RBFOX1: variants seen among roughly 807,000 people sequenced by gnomAD.
The protein encoded by RBFOX1 is RNA binding protein fox-1 homolog 1.
RBFOX1 carries 8 observed loss-of-function variants against 57.7 expected under a neutral mutation model. The observed-to-expected ratio is 0.14, with a 90% CI of 0.08 to 0.25. RBFOX1 has a LOEUF of 0.25. Among genes scored for constraint, RBFOX1 ranks in the 10% least tolerant of loss-of-function variants. The pLI is 1.00. For missense variants in RBFOX1, 611 were observed against 548.5 expected (o/e 1.11, Z -1.14); for synonymous variants, 326 against 222.4 (o/e 1.47, Z -4.15).
At chr16:7,015,473 A>G (rs1299664106) in intron 3 of RBFOX1, among the ~76,000 whole-genome samples, 3 of 152,164 alleles carry the variant, frequency 2.0e-5, no homozygotes, top group Non-Finnish European at 2.9e-5. Flanking sequence ...TTTGCTCATC[A>G]GTGTTCAGAC....
chr16:5,509,163 C>A (rs2043489046), intron 2 of RBFOX1, among the ~76,000 whole-genome samples: 1 of 152,212 alleles, frequency 6.6e-6, no homozygotes, highest in Admixed American at 6.5e-5. Flanking sequence ...TGCGATCCCC[C>A]ACTGGGATTT....
chr16:5,391,579 C>G (rs892607256), intron 1 of RBFOX1, among the ~76,000 whole-genome samples: 2 of 152,106 alleles, frequency 1.3e-5, no homozygotes, highest in African/African-American at 2.4e-5. Context: ...TTCTGGAAGC[C>G]AAGGCTCTGA....
chr16:6,542,660 T>G (rs2096839429), intron 2 of RBFOX1, among the ~76,000 whole-genome samples: 1 of 151,552 alleles, frequency 6.6e-6, no homozygotes, highest in Non-Finnish European at 1.5e-5. Context: ...TGGCGGCTAA[T>G]TTTTTGTATT....
chr16:6,563,643 C>T (rs193051127), intron 2 of RBFOX1, among the ~76,000 whole-genome samples: 54 of 152,064 alleles, frequency 3.6e-4, no homozygotes, highest in African/African-American at 1.2e-3. Flanking sequence ...CAGGGGTTCA[C>T]GACCGTTATC....
At chr16:6,316,648 A>G (rs1221015199) in intron 1 of RBFOX1, among the ~76,000 whole-genome samples, 1 of 152,194 alleles carries the variant, frequency 6.6e-6, no homozygotes, top group Non-Finnish European at 1.5e-5. Context: ...AGAAGAATAC[A>G]GAAGAGTACT....
intron 4 of RBFOX1, among the ~76,000 whole-genome samples, chr16:5,996,292 C>T (rs1229073945): frequency 6.6e-6 from 1 of 152,126 alleles, no homozygotes; most frequent in African/African-American, 2.4e-5. Flanking sequence ...ATTCATTTCA[C>T]CAGACGATGT....
Position 6,993,954 on chromosome 16 carries a change from G to A in RBFOX1, c.-15-58103G>A, listed in dbSNP as rs534776011. On this transcript the variant is annotated intron_variant, in intron 3 of 15. Transcript: ENST00000550418. Reference sequence around the variant, plus strand: ...TGCCTAAATGATTTGGTGCAAGGCAGAAAGATTATGCAGGGAAGAGGGGTG... The same window carrying A: ...TGCCTAAATGATTTGGTGCAAGGCAAAAAGATTATGCAGGGAAGAGGGGTG... 1.4e-4 allele frequency among the ~76,000 whole-genome samples: 21 copies of A among 152,306 alleles called. No homozygotes were observed. In the South Asian group the frequency reaches 4.3e-3, roughly 32 times the overall value.
rs71408412 is a variant in RBFOX1 at position 6,863,725 on chromosome 16, CTTTTTTTTT to C, written c.-15-188313_-15-188305del. ...CGGAAGCACAAATTGGATGCCTGCGCTTTTTTTTTTTTTTTTTTTTTTTTTTTACCAAAA... is the reference window on the plus strand; with the variant it reads ...CGGAAGCACAAATTGGATGCCTGCGCTTTTTTTTTTTTTTTTTTACCAAAA... On this transcript the variant is annotated intron_variant, in intron 3 of 15. Transcript: ENST00000550418. Among the ~76,000 whole-genome samples, 44 of 67,778 alleles carry C rather than the reference CTTTTTTTTT, an allele frequency of 6.5e-4. 1 individual carries two copies. Among genetic ancestry groups the C allele is most frequent in the Admixed American group, 1.3e-3 (8 of 6,348 alleles). The allele number at this position is 67,778 out of a possible 152,430, so 44.5% of individuals were successfully genotyped here.
intron 3 of RBFOX1, among the ~76,000 whole-genome samples, chr16:6,987,055 G>T (rs537767449): frequency 1.3e-5 from 2 of 152,204 alleles, no homozygotes; most frequent in South Asian, 4.2e-4. Flanking sequence ...TGGAGAGCCT[G>T]CCCTCTTCCT....
chr16:7,171,479 T>G (rs1161324161), intron 4 of RBFOX1, among the ~76,000 whole-genome samples: 1 of 152,204 alleles, frequency 6.6e-6, no homozygotes, highest in African/African-American at 2.4e-5. Context: ...TGCAGGATTA[T>G]AGAAAGAGAT....
intron 4 of RBFOX1, among the ~76,000 whole-genome samples, chr16:7,241,181 C>T (rs563775358): frequency 6.6e-6 from 1 of 152,332 alleles, no homozygotes; most frequent in South Asian, 2.1e-4. Context: ...ATTGATTATT[C>T]ATAACCCTGA....
chr16:7,126,932 C>T (rs866701892), intron 4 of RBFOX1, among the ~76,000 whole-genome samples: 55 of 150,918 alleles, frequency 3.6e-4, no homozygotes, highest in African/African-American at 1.1e-3. Context: ...TAGCTTAAAC[C>T]CGGGAGGCAG....
At chr16:7,381,116 T>A (rs543156401) in intron 4 of RBFOX1, among the ~76,000 whole-genome samples, 87 of 152,310 alleles carry the variant, frequency 5.7e-4, no homozygotes, top group African/African-American at 1.0e-3. Context: ...TGTTCTGGCT[T>A]CACAGCAGAG....
intron 2 of RBFOX1, among the ~76,000 whole-genome samples, chr16:6,495,534 T>C (rs2095747223): frequency 6.6e-6 from 1 of 152,214 alleles, no homozygotes; most frequent in African/African-American, 2.4e-5. Flanking sequence ...CATCTATTGA[T>C]ATCACCCTGA....
At chr16:5,328,271 GT>G (rs1377723448) in intron 1 of RBFOX1, among the ~76,000 whole-genome samples, 1 of 152,132 alleles carries the variant, frequency 6.6e-6, no homozygotes. Context: ...TCTGATCAGC[GT>G]TTTTATAAGA....
intron 3 of RBFOX1, among the ~76,000 whole-genome samples, chr16:7,002,744 A>G (rs896657066): frequency 2.0e-5 from 3 of 152,178 alleles, no homozygotes; most frequent in African/African-American, 7.2e-5. Context: ...ACTATTTTCA[A>G]ATAGCACTAA....
chr16:6,325,985 G>T (rs532443855), intron 2 of RBFOX1, among the ~76,000 whole-genome samples: 2 of 152,290 alleles, frequency 1.3e-5, no homozygotes, highest in African/African-American at 2.4e-5. Flanking sequence ...GTGCTGAGAA[G>T]GGATGTCCTC....
At chr16:6,747,315 G>A (rs1046738304) in intron 3 of RBFOX1, among the ~76,000 whole-genome samples, 2 of 152,074 alleles carry the variant, frequency 1.3e-5, no homozygotes, top group Non-Finnish European at 2.9e-5. Flanking sequence ...GCTGAGGCAG[G>A]ACAATTGCTT....
At chr16:5,245,454 G>A (rs1042229808) in intron 1 of RBFOX1, among the ~76,000 whole-genome samples, 3 of 152,238 alleles carry the variant, frequency 2.0e-5, no homozygotes, top group African/African-American at 7.2e-5. Context: ...GGTTGAGGCT[G>A]TGGAAATGAC....
Sources: allele counts gnomAD v4.1 joint callset (sites outside exome capture counted in the v4.1 genomes callset), GRCh38; gene constraint gnomAD v4.1.1; transcripts MANE v1.5; gene names NCBI Gene and HGNC (gene_info 2026-07-23, HGNC 2026-07-21).